Variants in OTOG observed in about 807,000 individuals in gnomAD.
OTOG encodes the protein otogelin.
OTOG carries 296 observed loss-of-function variants against 313.8 expected under a neutral mutation model. That is an observed-to-expected ratio of 0.94 (90% CI 0.86 to 1.04). The LOEUF (loss-of-function observed/expected upper bound fraction) is 1.04, where lower values mean the gene tolerates loss of function less well. OTOG is among the 50% of genes least tolerant of loss of function. OTOG has a pLI of 0.00. For missense variants in OTOG, 3,948 were observed against 3,840.1 expected (o/e 1.03, Z -0.74); for synonymous variants, 1,533 against 1,554.9 (o/e 0.99, Z 0.33).
chr11:17,633,383 T>A (rs1224736404), intron 42 of OTOG, among the ~76,000 whole-genome samples: 1 of 152,238 alleles, frequency 6.6e-6, no homozygotes, highest in Non-Finnish European at 1.5e-5. Flanking sequence ...CAACTCTACC[T>A]TTTTTGGTAC....
At chr11:17,547,844 G>C in intron 1 of OTOG, 83 bp from the exon 2 acceptor site, 1 of 447,266 alleles carries the variant, frequency 2.2e-6, no homozygotes, top group Non-Finnish European at 3.9e-6. Context: ...CGTGGGAGAG[G>C]CTTTCTAGCA....
rs1225726040 is a variant in OTOG, at chr11:17,632,086, A to G, written c.6934-2A>G. On this transcript the variant is annotated splice_acceptor_variant, in intron 41 of 55. Transcript: ENST00000399397. LOFTEE classifies it high-confidence loss of function. ...CCAGCACTGCCTGATGCATATGTCC[A>G]GGTGCCTCCGGAGTCATTCTGTGAG... 1 of 1,550,852 alleles carries G rather than the reference A, an allele frequency of 6.4e-7. No individual in the cohort carries two copies. The highest frequency in any genetic ancestry group is 2.0e-5 in the Admixed American group (1 of 51,012).
At chr11:17,631,612 A>G (rs1391358403) in intron 40 of OTOG, 90 bp from the exon 41 acceptor site, 2 of 1,095,496 alleles carry the variant, frequency 1.8e-6, no homozygotes, top group Non-Finnish European at 2.7e-6. Flanking sequence ...ATTGACCTCA[A>G]AGAACTGTGA....
intron 19 of OTOG, among the ~76,000 whole-genome samples, chr11:17,573,699 T>C (rs1023106455): frequency 2.0e-5 from 3 of 152,268 alleles, no homozygotes; most frequent in African/African-American, 4.8e-5. Flanking sequence ...CCCCTACCCG[T>C]CCCTACCCTG....
chr11:17,616,341 G>A (rs189250158), intron 39 of OTOG, among the ~76,000 whole-genome samples: 26 of 152,336 alleles, frequency 1.7e-4, no homozygotes, highest in South Asian at 8.3e-4. Flanking sequence ...ACAGGCGTGA[G>A]CCACCGTGCC....
rs140602974 is a variant in OTOG, at chr11:17,569,342, T to C, written c.1777+54T>C. 3.0e-4 allele frequency: 462 copies of C among 1,544,214 alleles called. 1 individual carries two copies. The highest frequency in any genetic ancestry group is 3.7e-4 in the Non-Finnish European group (418 of 1,141,790). ...GTTGGGAACTGAGGGTTTGGACCTC[T>C]CTTCCCAGGATCCTCTGGCTAAAAG... On this transcript the variant is annotated intron_variant, in intron 16 of 55. Coordinates refer to ENST00000399397, the MANE Select transcript of OTOG (RefSeq NM_001292063.2).
At chr11:17,604,661 C>T (rs533143052) in intron 32 of OTOG, among the ~76,000 whole-genome samples, 1 of 152,302 alleles carries the variant, frequency 6.6e-6, no homozygotes, top group South Asian at 2.1e-4. Flanking sequence ...ATGGTGAGCT[C>T]CATGAGGGCA....
chr11:17,558,547 G>A lies in OTOG; in HGVS notation c.1006G>A (p.Glu336Lys), dbSNP rs1207770215. The change falls in exon 10 of 56, where the codon GAG becomes AAG. Residue 336 changes from glutamate (E) to lysine (K), a missense_variant. Transcript: ENST00000399397. ...TGGTCCCTTGCTCTAGGGCGTGTAC[G>A]AGCAGTGTGAGGCTCTACTGCGGCC... is the stretch of plus-strand genomic sequence containing the variant. ...QNPGTMQGVY[E>K]QCEALLRPPF... The A allele has an allele frequency of 7.7e-6, 12 of 1,550,354 alleles. No individual in the cohort carries two copies. Among genetic ancestry groups the A allele is most frequent in the East Asian group, 2.4e-5 (1 of 40,936 alleles).
rs1853276477 is a variant in OTOG, at chr11:17,602,343, G to A, written c.3843G>A (p.Leu1281=). ...DVAPADIVSF[L]LTAALYKAKA... ...CGCCAGCAGACATTGTGAGCTTCCT[G>A]CTGACAGCTGCTCTGTACAAGGCCA... Residue 1281 remains leucine (L), a synonymous_variant, in exon 32 of 56, where the codon CTG becomes CTA. Transcript: ENST00000399397. 2.6e-6 allele frequency: 4 copies of A among 1,550,438 alleles called. No homozygotes were observed. The highest frequency in any genetic ancestry group is 3.5e-6 in the Non-Finnish European group (4 of 1,146,972).
chr11:17,577,616 T>C (rs1852561365), intron 22 of OTOG, among the ~76,000 whole-genome samples: 1 of 152,190 alleles, frequency 6.6e-6, no homozygotes, highest in Admixed American at 6.5e-5. Context: ...CTCTTTGGCA[T>C]ATAACCTAGT....
chr11:17,578,255 C>A, intron 22 of OTOG, 118 bp from the exon 23 acceptor site: 1 of 1,407,816 alleles, frequency 7.1e-7, no homozygotes, highest in Non-Finnish European at 9.2e-7. Context: ...CAGGAGCGAC[C>A]AGGGAGGGAG....
chr11:17,572,753 C>T (rs968815401), intron 18 of OTOG, among the ~76,000 whole-genome samples: 16 of 152,252 alleles, frequency 1.1e-4, no homozygotes, highest in African/African-American at 3.4e-4. Flanking sequence ...TCCTGCCTCA[C>T]CTCATACACC....
intron 49 of OTOG, 50 bp from the exon 50 acceptor site, chr11:17,640,695 G>C: frequency 1.3e-6 from 2 of 1,532,080 alleles, no homozygotes; most frequent in Non-Finnish European, 1.8e-6. Flanking sequence ...TGCTCCTGAG[G>C]GCCAGGCTGG....
chr11:17,576,405 A>C (rs1032313544), intron 20 of OTOG, 151 bp from the exon 21 acceptor site: 2 of 664,194 alleles, frequency 3.0e-6, no homozygotes, highest in Admixed American at 2.2e-5. Flanking sequence ...TTTTCTGCTC[A>C]CTGGAGATGT....
chr11:17,586,025 G>A (rs7924620), intron 23 of OTOG, among the ~76,000 whole-genome samples: 35,733 of 152,092 alleles, frequency 0.23, 4,940 homozygotes, highest in African/African-American at 0.4. Flanking sequence ...CCTTGGCTCC[G>A]GCCTGGGAGT....
chr11:17,613,182 CTTTCTTTCTTTCTTTT>C (rs1853610675), intron 38 of OTOG, among the ~76,000 whole-genome samples: 5 of 96,304 alleles, frequency 5.2e-5, no homozygotes, highest in Non-Finnish European at 8.3e-5. Context: ...TTCTTTCTTT[CTTTCTTTCTTTCTTTT>C]CTTTCTTTCT....
At chr11:17,561,420 C>G (rs1489834066) in intron 14 of OTOG, among the ~76,000 whole-genome samples, 2 of 152,228 alleles carry the variant, frequency 1.3e-5, no homozygotes, top group African/African-American at 4.8e-5. Flanking sequence ...GTCCTCAAGG[C>G]TAGGCCCTGG....
intron 24 of OTOG, 49 bp from the exon 25 acceptor site, chr11:17,591,401 G>T: frequency 6.5e-7 from 1 of 1,547,122 alleles, no homozygotes; most frequent in South Asian, 1.2e-5. Context: ...GAGTATTCAG[G>T]TATGGGGTGG....
At chr11:17,600,080 G>T (rs1853212052) in intron 31 of OTOG, among the ~76,000 whole-genome samples, 1 of 152,248 alleles carries the variant, frequency 6.6e-6, no homozygotes, top group Admixed American at 6.5e-5. Flanking sequence ...TTTGGCAAAA[G>T]CAGACACAAA....
Sources: gnomAD v4.1 joint callset for allele counts (sites outside exome capture counted in the v4.1 genomes callset) on GRCh38, gnomAD v4.1.1 for gene constraint, MANE v1.5 for transcripts, NCBI Gene and HGNC (gene_info 2026-07-23, HGNC 2026-07-21) for gene names.